IP6K2: variants seen among roughly 807,000 people sequenced by gnomAD.
The protein encoded by IP6K2 is ATP:1D-myo-inositol-hexakisphosphate phosphotransferase.
Under a neutral mutation model 43.3 loss-of-function variants are expected in IP6K2, and 9 were observed. The observed-to-expected ratio is 0.21, with a 90% CI of 0.13 to 0.36. The LOEUF is 0.36. Among genes scored for constraint, IP6K2 ranks in the 10% least tolerant of loss-of-function variants. The probability of loss-of-function intolerance (pLI) is 1.00; values close to 1 mark genes in which losing one functional copy is unlikely to be tolerated. For synonymous variants in IP6K2, 209 were observed against 202.4 expected (o/e 1.03, Z -0.28); for missense variants, 332 against 538.4 (o/e 0.62, Z 3.79).
At chr3:48,689,502 A>G in intron 5 of IP6K2, 36 bp downstream of exon 5, 1 of 1,585,412 alleles carries the variant, frequency 6.3e-7, no homozygotes. Flanking sequence ...AGTGACAGCC[A>G]CTGGATGCCC....
chr3:48,689,350 G>A (rs753157747), intron 5 of IP6K2, among the ~76,000 whole-genome samples, 188 bp downstream of exon 5: 17 of 152,060 alleles, frequency 1.1e-4, no homozygotes, highest in African/African-American at 1.7e-4. Context: ...ACAGGGTTTC[G>A]CCATGTTGCC....
At position 48,688,170 on chromosome 3, in the gene IP6K2, G is replaced by C. The variant is rs1575576990; in HGVS notation, c.*103C>G. ...CAGAGGCCACTGCACATCAGCTCCA[G>C]GCTGCAGGAGCCACCACCTGGCCAT... On this transcript the variant is annotated 3_prime_UTR_variant, in exon 6 of 6. Transcript: ENST00000328631. This position sits in a 1 kb window ranked among gnomAD's most constrained non-coding sequence, Gnocchi z 5.1. 2 of 1,335,492 alleles carry C rather than the reference G, an allele frequency of 1.5e-6. No homozygotes were observed. Among genetic ancestry groups the C allele is most frequent in the Non-Finnish European group, 2.1e-6 (2 of 950,970 alleles). The allele number at this position is 1,335,492 out of a possible 1,614,324, so 82.7% of individuals were successfully genotyped here. A position where few individuals can be genotyped will look rare whatever the true frequency, so the allele number is the denominator to read the frequency against.
chr3:48,709,229 A>G (rs978353191), intron 1 of IP6K2, among the ~76,000 whole-genome samples: 1 of 152,218 alleles, frequency 6.6e-6, no homozygotes, highest in Admixed American at 6.5e-5. Flanking sequence ...TTCAGTCCCA[A>G]TGGGCAGCCA....
At position 48,689,610 on chromosome 3, in the gene IP6K2, C is replaced by T; in HGVS notation, c.708G>A (p.Lys236=). 1.2e-6 allele frequency: 2 copies of T among 1,614,250 alleles called. No homozygotes were observed. The highest frequency in any genetic ancestry group is 1.7e-6 in the Non-Finnish European group (2 of 1,180,054). Reference sequence around the variant, plus strand: ...GACATTTTCGGATCTGGTTGGCTGCCTTCTCCTCTGAAGCATCATCACCAT... The same window carrying T: ...GACATTTTCGGATCTGGTTGGCTGCTTTCTCCTCTGAAGCATCATCACCAT... ...RQHGDDASEE[K]AANQIRKCQQ... is the part of the protein sequence containing the mutation. Residue 236 remains lysine (K), a synonymous_variant, in exon 5 of 6, where the codon AAG becomes AAA. Transcript: ENST00000328631.
In IP6K2 at chr3:48,688,618, A is replaced by C; in HGVS notation, c.936T>G (p.Thr312=). The C allele has an allele frequency of 1.9e-6, 3 of 1,614,142 alleles. No individual in the cohort carries two copies. The highest frequency in any genetic ancestry group is 1.1e-5 in the South Asian group (1 of 91,090). Residue 312 remains threonine (T), a synonymous_variant, in exon 6 of 6, where the codon ACT becomes ACG. Coordinates refer to ENST00000328631, the MANE Select transcript of IP6K2 (RefSeq NM_016291.4). The surrounding 1 kb of genome is among the most constrained non-coding windows in gnomAD (Gnocchi z 5.1). The stretch of plus-strand genomic sequence containing the variant: ...GTCGCTCCAACACTGCCTTGAGCTC[A>C]GTCAGCTTCTTGAGCACAGGGCCCA... ...ELLGPVLKKL[T]ELKAVLERQE... is the part of the protein sequence containing the mutation.
At chr3:48,714,330 G>A (rs763566455) in intron 1 of IP6K2, among the ~76,000 whole-genome samples, 66 of 151,874 alleles carry the variant, frequency 4.3e-4, no homozygotes, top group Middle Eastern at 3.2e-3. Context: ...GCCTCCCGAA[G>A]CGTTGGTGTT....
chr3:48,702,987 G>C (rs1171720209), intron 1 of IP6K2, among the ~76,000 whole-genome samples: 2 of 152,210 alleles, frequency 1.3e-5, no homozygotes, highest in African/African-American at 4.8e-5. Context: ...CATATGGTGA[G>C]TACAATTATT....
rs201593848 is a variant in IP6K2, at chr3:48,697,037, TG to T, written c.-130-1617del. ...GAATTTTTACTTTTTTTTTTTTTTT[TG>T]GAGATGGAGTCTCGCTCTGTCACCC... On this transcript the variant is annotated intron_variant, in intron 1 of 5. Coordinates refer to ENST00000328631, the MANE Select transcript of IP6K2 (RefSeq NM_016291.4). Among the ~76,000 whole-genome samples the T allele has an allele frequency of 5.8e-3, 859 of 147,118 alleles. 17 individuals are homozygous for T. The highest frequency in any genetic ancestry group is 0.015 in the African/African-American group (616 of 40,388).
intron 1 of IP6K2, among the ~76,000 whole-genome samples, chr3:48,697,211 G>A (rs973574450): frequency 4.0e-5 from 6 of 151,554 alleles, no homozygotes; most frequent in Admixed American, 6.6e-5. Context: ...TAGTAGAGAC[G>A]GGGTTTCACC....
chr3:48,688,018 G>A lies in IP6K2; in HGVS notation c.*255C>T. On this transcript the variant is annotated 3_prime_UTR_variant, in exon 6 of 6. Transcript: ENST00000328631. This position sits in a 1 kb window ranked among gnomAD's most constrained non-coding sequence, Gnocchi z 5.1. The stretch of plus-strand genomic sequence containing the variant: ...GAGCACTATATACAATAAACAAAAA[G>A]ATTTGTATTAGAACATATACACTCA... The A allele has an allele frequency of 2.0e-6, 1 of 512,414 alleles. No individual in the cohort carries two copies. Among genetic ancestry groups the A allele is most frequent in the South Asian group, 2.5e-5 (1 of 40,572 alleles). The allele number at this position is 512,414 out of a possible 1,614,324, so 31.7% of individuals were successfully genotyped here.
At chr3:48,707,466 C>T (rs569866985) in intron 1 of IP6K2, among the ~76,000 whole-genome samples, 33 of 152,250 alleles carry the variant, frequency 2.2e-4, no homozygotes, top group African/African-American at 7.2e-4. Context: ...TGGAGTTTCG[C>T]TCTTGTTGCC....
intron 1 of IP6K2, among the ~76,000 whole-genome samples, chr3:48,715,741 G>A (rs544817617): frequency 1.3e-4 from 19 of 142,738 alleles, no homozygotes; most frequent in Non-Finnish European, 2.4e-4. Context: ...TGTAGAGACA[G>A]GGTGTTGCTA....
intron 1 of IP6K2, among the ~76,000 whole-genome samples, chr3:48,712,552 A>C (rs762746521): frequency 2.6e-5 from 4 of 151,852 alleles, no homozygotes; most frequent in Non-Finnish European, 5.9e-5. Flanking sequence ...GGCCTACAAT[A>C]AAATTTTTAA....
At chr3:48,691,067 C>T (rs2077742946) in intron 4 of IP6K2, among the ~76,000 whole-genome samples, 1 of 152,114 alleles carries the variant, frequency 6.6e-6, no homozygotes. Flanking sequence ...CATGAGGCAC[C>T]CCTCACCTCC....
chr3:48,689,157 CT>C (rs2077562725), intron 5 of IP6K2, among the ~76,000 whole-genome samples: 2 of 152,284 alleles, frequency 1.3e-5, no homozygotes. Flanking sequence ...AGGGTCAAAT[CT>C]GGAACCTTTT....
Position 48,695,157 on chromosome 3 carries a change from G to T in IP6K2, c.135C>A (p.Val45=), listed in dbSNP as rs1257993383. The change falls in exon 2 of 6, where the codon GTC becomes GTA. Residue 45 remains valine (V), a synonymous_variant. Coordinates refer to ENST00000328631, the MANE Select transcript of IP6K2 (RefSeq NM_016291.4). The surrounding 1 kb of genome is among the most constrained non-coding windows in gnomAD (Gnocchi z 4.6). ...TCTCGTAGAACTGATGTTCCCTTGG[G>T]ACCAGGGGCTTGCACAGGGTTGTCT... The part of the protein sequence containing the change: ...FNETTLCKPL[V]PREHQFYETL... 1.9e-6 allele frequency: 3 copies of T among 1,608,292 alleles called. No homozygotes were observed. Among genetic ancestry groups the T allele is most frequent in the Non-Finnish European group, 2.6e-6 (3 of 1,175,542 alleles).
intron 4 of IP6K2, 116 bp from the exon 5 acceptor site, chr3:48,689,829 T>TC (rs1322925804): frequency 1.8e-5 from 14 of 776,618 alleles, no homozygotes; most frequent in African/African-American, 3.5e-5. Context: ...CACAGGAGAC[T>TC]CCATTAGTCC....
intron 1 of IP6K2, among the ~76,000 whole-genome samples, chr3:48,714,071 C>G (rs1253702844): frequency 6.6e-6 from 1 of 152,238 alleles, no homozygotes; most frequent in African/African-American, 2.4e-5. Flanking sequence ...GAGCTGAGAT[C>G]TGGCCACTGC....
chr3:48,694,115 C>A (rs1224361166), intron 2 of IP6K2: 2 of 1,504,788 alleles, frequency 1.3e-6, no homozygotes, highest in African/African-American at 2.8e-5. Context: ...AGGTGGCCCC[C>A]AGCTCTGGGT....
Sources: allele counts gnomAD v4.1 joint callset (sites outside exome capture counted in the v4.1 genomes callset), GRCh38; gene constraint gnomAD v4.1.1; non-coding constraint Gnocchi (gnomAD v3.1); transcripts MANE v1.5; gene names NCBI Gene and HGNC (gene_info 2026-07-23, HGNC 2026-07-21).